The following CYP27A1 variants were observed in gnomAD, a reference collection of about 807,000 sequenced individuals.
The protein encoded by CYP27A1 is cytochrome P450 family 27 subfamily A member 1.
A neutral mutation model predicts 58.2 loss-of-function variants in CYP27A1; 46 were observed. The ratio of observed to expected loss-of-function variants is 0.79; its 90% CI spans 0.62 to 1.01. CYP27A1 has a LOEUF of 1.01. Among genes scored for constraint, CYP27A1 ranks in the 50% least tolerant of loss-of-function variants. The pLI is 0.00. For synonymous variants in CYP27A1, 274 were observed against 285.1 expected (o/e 0.96, Z 0.39); for missense variants, 704 against 687.0 (o/e 1.02, Z -0.28).
intron 1 of CYP27A1, among the ~76,000 whole-genome samples, chr2:218,805,001 A>G (rs1327781411): frequency 6.6e-6 from 1 of 152,180 alleles, no homozygotes; most frequent in East Asian, 1.9e-4. Flanking sequence ...GTCTCCTATT[A>G]TGAAGACACT....
intron 1 of CYP27A1, among the ~76,000 whole-genome samples, chr2:218,790,985 G>A (rs557993404): frequency 1.8e-4 from 27 of 152,188 alleles, no homozygotes; most frequent in Non-Finnish European, 8.8e-5. Context: ...ACAGGTGTGA[G>A]CCCCTGTGCC....
intron 1 of CYP27A1, among the ~76,000 whole-genome samples, chr2:218,793,886 C>T (rs6741592): frequency 0.57 from 86,974 of 151,758 alleles, 26,847 homozygotes; most frequent in African/African-American, 0.8. Context: ...GCTAATTTTT[C>T]GTATTTTAGT....
At chr2:218,791,514 A>G (rs557790965) in intron 1 of CYP27A1, among the ~76,000 whole-genome samples, 7 of 152,376 alleles carry the variant, frequency 4.6e-5, no homozygotes, top group African/African-American at 1.7e-4. Flanking sequence ...GTCTCGTGAT[A>G]GTAAAGAAGT....
Position 218,785,659 on chromosome 2 carries a change from ATAG to A in CYP27A1, c.255+3226_255+3228del, listed in dbSNP as rs543981597. Among the ~76,000 whole-genome samples, 823 of 152,154 alleles carry A rather than the reference ATAG, an allele frequency of 5.4e-3. 7 individuals carry two copies. Among genetic ancestry groups the A allele is most frequent in the African/African-American group, 0.019 (783 of 41,504 alleles). On this transcript the variant is annotated intron_variant, in intron 1 of 8. Coordinates refer to ENST00000258415, the MANE Select transcript of CYP27A1 (RefSeq NM_000784.4). ...TTAAAGGAGAGTCTAGGGCTGGGAT[ATAG>A]TAGCAGAGCCACCTGGTTTCAGTCC...
intron 1 of CYP27A1, 132 bp from the exon 2 acceptor site, chr2:218,809,439 GCCCTTT>G (rs1457621650): frequency 1.5e-6 from 1 of 662,702 alleles, no homozygotes. Context: ...CATACACAAT[GCCCTTT>G]TTTTTTTTTT....
intron 1 of CYP27A1, among the ~76,000 whole-genome samples, chr2:218,785,431 A>C (rs1295417267): frequency 1.3e-5 from 2 of 151,904 alleles, no homozygotes; most frequent in Non-Finnish European, 2.9e-5. Flanking sequence ...AAGCCAAGAA[A>C]ACAGACTCCT....
In CYP27A1 at chr2:218,809,579, G is replaced by A. The variant is rs2105978806; in HGVS notation, c.258G>A (p.Val86=). The A allele has an allele frequency of 1.2e-6, 2 of 1,612,436 alleles. No homozygotes were observed. Among genetic ancestry groups the A allele is most frequent in the South Asian group, 2.2e-5 (2 of 91,064 alleles). The change falls in exon 2 of 9, where the codon GTG becomes GTA. Residue 86 remains valine (V), a splice_region_variant and synonymous_variant. Coordinates refer to ENST00000258415, the MANE Select transcript of CYP27A1 (RefSeq NM_000784.4). ...GYALQLHQLQ[V]LYKAKYGPMW... Reference sequence around the variant, plus strand: ...TCAGTTTTGATTGAACTCCACAGGTGCTTTACAAGGCCAAGTACGGTCCAA... The same window carrying A: ...TCAGTTTTGATTGAACTCCACAGGTACTTTACAAGGCCAAGTACGGTCCAA...
rs765555645 is a variant in CYP27A1 at position 218,809,705 on chromosome 2, C to T, written c.384C>T (p.Asn128=). ...AAGAGGGCAAGTACCCAGTACGGAA[C>T]GACATGGAGCTATGGAAGGAGCACC... The part of the protein sequence containing the change: ...MRQEGKYPVR[N]DMELWKEHRD... Residue 128 remains asparagine, a synonymous_variant, in exon 2 of 9, where the codon AAC becomes AAT. Coordinates refer to ENST00000258415, the MANE Select transcript of CYP27A1 (RefSeq NM_000784.4). The T allele has an allele frequency of 4.2e-5, 67 of 1,614,126 alleles. No homozygotes were observed. The highest frequency in any genetic ancestry group is 2.5e-4 in the East Asian group (11 of 44,872).
chr2:218,790,937 G>A (rs188001221), intron 1 of CYP27A1, among the ~76,000 whole-genome samples: 380 of 152,010 alleles, frequency 2.5e-3, no homozygotes, highest in Non-Finnish European at 3.7e-3. Flanking sequence ...TCCTGACCTC[G>A]TGATCTGCCT....
At chr2:218,803,918 A>C (rs879503268) in intron 1 of CYP27A1, among the ~76,000 whole-genome samples, 1 of 150,598 alleles carries the variant, frequency 6.6e-6, no homozygotes, top group Non-Finnish European at 1.5e-5. Context: ...TTTTTAGTAG[A>C]GATGGGGTTT....
intron 1 of CYP27A1, among the ~76,000 whole-genome samples, chr2:218,796,595 A>AAAAC (rs1020317468): frequency 8.5e-5 from 13 of 152,200 alleles, no homozygotes; most frequent in Admixed American, 2.6e-4. Flanking sequence ...CTCTGTCTCA[A>AAAAC]AAACAAACAA....
rs756546373 is a variant in CYP27A1, at chr2:218,814,422, G to A, written c.1227G>A (p.Lys409=). ...VVPTNSRIIE[K]EIEVDGFLFP... ...CCACAAACTCCCGGATCATAGAAAA[G>A]GAAATTGAAGTTGATGGCTTCCTCT... is the stretch of plus-strand genomic sequence containing the variant. Residue 409 remains lysine, a synonymous_variant, in exon 7 of 9, where the codon AAG becomes AAA. Transcript: ENST00000258415. 1.9e-6 allele frequency: 3 copies of A among 1,614,248 alleles called. No individual in the cohort carries two copies.
intron 1 of CYP27A1, among the ~76,000 whole-genome samples, chr2:218,809,023 T>C (rs1046820977): frequency 1.6e-4 from 25 of 152,096 alleles, no homozygotes; most frequent in African/African-American, 5.8e-4. Context: ...TAAATAAATA[T>C]CATACCGCAT....
chr2:218,788,197 A>G (rs1943457423), intron 1 of CYP27A1, among the ~76,000 whole-genome samples: 1 of 152,272 alleles, frequency 6.6e-6, no homozygotes, highest in South Asian at 2.1e-4. Context: ...TTCTAGTTGC[A>G]TGTTTTGTGC....
At chr2:218,786,200 G>A (rs1943438797) in intron 1 of CYP27A1, among the ~76,000 whole-genome samples, 1 of 152,188 alleles carries the variant, frequency 6.6e-6, no homozygotes, top group Non-Finnish European at 1.5e-5. Flanking sequence ...GACTGGCTTG[G>A]CCTGGGTTAA....
chr2:218,810,077 G>A (rs1271809727), intron 2 of CYP27A1, among the ~76,000 whole-genome samples: 7 of 152,108 alleles, frequency 4.6e-5, no homozygotes, highest in South Asian at 2.1e-4. Context: ...TCAGGGGTTC[G>A]AGATCAGCTT....
intron 1 of CYP27A1, among the ~76,000 whole-genome samples, chr2:218,787,809 T>C (rs7582193): frequency 0.36 from 54,026 of 152,084 alleles, 10,374 homozygotes; most frequent in Non-Finnish European, 0.42. Flanking sequence ...ATTGCTGTTC[T>C]TTATAAATTA....
chr2:218,782,350 C>T lies in CYP27A1; in HGVS notation c.168C>T (p.Ser56=), dbSNP rs1470556795. 2 of 1,614,052 alleles carry T rather than the reference C, an allele frequency of 1.2e-6. No individual in the cohort carries two copies. The highest frequency in any genetic ancestry group is 2.2e-5 in the East Asian group (1 of 44,872). Residue 56 remains serine (S), a synonymous_variant, in exon 1 of 9, where the codon AGC becomes AGT. Coordinates refer to ENST00000258415, the MANE Select transcript of CYP27A1 (RefSeq NM_000784.4). This position sits in a 1 kb window ranked among gnomAD's most constrained non-coding sequence, Gnocchi z 4.1. ...CTGGTGTCCGGCGGCGGCAACGGAG[C>T]TTAGAGGAGATTCCACGTCTAGGAC... ...AGPGVRRRQR[S]LEEIPRLGQL...
intron 2 of CYP27A1, among the ~76,000 whole-genome samples, chr2:218,811,859 C>A (rs748592920): frequency 1.3e-5 from 2 of 152,170 alleles, no homozygotes; most frequent in Non-Finnish European, 2.9e-5. Flanking sequence ...ATGATGTGAA[C>A]GAGCCTACTC....
Sources: gnomAD v4.1 joint callset for allele counts (sites outside exome capture counted in the v4.1 genomes callset) on GRCh38, gnomAD v4.1.1 for gene constraint, Gnocchi (gnomAD v3.1) non-coding constraint, MANE v1.5 for transcripts, NCBI Gene and HGNC (gene_info 2026-07-23, HGNC 2026-07-21) for gene names.